The following ZNF121 variants were observed in gnomAD, a reference collection of about 807,000 sequenced individuals.
ZNF121 encodes the protein zinc finger protein 121, also known as zinc finger protein 121 (clone ZHC32).
Under a neutral mutation model 2.4 loss-of-function variants are expected in ZNF121, and 1 was observed. The observed-to-expected ratio is 0.41, with a 90% CI of 0.15 to 1.94. The LOEUF (loss-of-function observed/expected upper bound fraction) is 1.94, where lower values mean the gene tolerates loss of function less well. Among genes scored for constraint, ZNF121 ranks in the 30% most tolerant of loss-of-function variants. The pLI, the probability that ZNF121 is intolerant of heterozygous loss-of-function variation, is 0.30. For missense variants in ZNF121, 369 were observed against 466.3 expected (o/e 0.79, Z 1.92); for synonymous variants, 173 against 158.6 (o/e 1.09, Z -0.68).
At chr19:9,579,845 G>A (rs766801969) in intron 1 of ZNF121, among the ~76,000 whole-genome samples, 2 of 152,188 alleles carry the variant, frequency 1.3e-5, no homozygotes, top group Non-Finnish European at 2.9e-5. Context: ...TAAGGTGACA[G>A]ATATTCTACT....
Position 9,567,082 on chromosome 19 carries a change from A to G in ZNF121, c.31T>C (p.Cys11Arg). The change falls in exon 4 of 4, where the codon TGT becomes CGT. Residue 11 changes from cysteine to arginine, a missense_variant. Around this residue, in one of 4 missense-constraint regions of ZNF121, gnomAD observed 168 missense variants for 162.3 expected, o/e 1.03. Transcript: ENST00000320451. ...ATTTCTCCATTTTCCATAAAGTCAC[A>G]GAGTTCCCCTCCATTGTGGATTTCT... MAEIHNGGEL[C>R]DFMENGEIFS... 1 of 1,613,252 alleles carries G rather than the reference A, an allele frequency of 6.2e-7. No individual in the cohort carries two copies. The highest frequency in any genetic ancestry group is 1.3e-5 in the African/African-American group (1 of 75,050).
At chr19:9,573,221 CCTAAG>C (rs1273329553) in intron 1 of ZNF121, among the ~76,000 whole-genome samples, 2 of 151,990 alleles carry the variant, frequency 1.3e-5, no homozygotes, top group Non-Finnish European at 1.5e-5. Flanking sequence ...ATGTGAGCTC[CCTAAG>C]AATTCAAAAT....
Position 9,579,660 on chromosome 19 carries a change from C to T in ZNF121, c.-160+4801G>A, listed in dbSNP as rs571875127. Among the ~76,000 whole-genome samples the T allele has an allele frequency of 3.3e-5, 5 of 151,920 alleles. No individual in the cohort carries two copies. The South Asian group carries it at 8.3e-4, about 25-fold the overall frequency. The stretch of plus-strand genomic sequence containing the variant: ...TCCAGCCTGGGCAACAGTGAGACTC[C>T]GTCTCTAGAAAAAAAAGAGAGGTTG... On this transcript the variant is annotated intron_variant, in intron 1 of 3. Transcript: ENST00000320451.
At chr19:9,575,008 G>A (rs951194481) in intron 1 of ZNF121, among the ~76,000 whole-genome samples, 1 of 152,160 alleles carries the variant, frequency 6.6e-6, no homozygotes, top group Non-Finnish European at 1.5e-5. Context: ...AAAGTCCTGA[G>A]CTCAAGCAAT....
rs1555686371 is a variant in ZNF121 at position 9,583,512 on chromosome 19, T to TTG, written c.-160+947_-160+948dup. 9.5e-3 allele frequency among the ~76,000 whole-genome samples: 1,046 copies of TTG among 110,378 alleles called. 29 individuals are homozygous for TTG. Among genetic ancestry groups the TTG allele is most frequent in the African/African-American group, 0.032 (541 of 16,666 alleles). 72.4% of individuals were successfully genotyped at this position (110,378 alleles called of 152,430 possible). Reference sequence around the variant, plus strand: ...GGCTTTTTTTTTTTTTTTTTTTTTTTTGTGTGTGTGAGACGGAGTCTCCCT... The same window carrying TTG: ...GGCTTTTTTTTTTTTTTTTTTTTTTTTGTGTGTGTGTGAGACGGAGTCTCCCT... On this transcript the variant is annotated intron_variant, in intron 1 of 3. Transcript: ENST00000320451.
At chr19:9,578,826 T>C (rs533209268) in intron 1 of ZNF121, among the ~76,000 whole-genome samples, 1 of 151,818 alleles carries the variant, frequency 6.6e-6, no homozygotes, top group South Asian at 2.1e-4. Flanking sequence ...GGAGCAAAAA[T>C]AAACATATGA....
In ZNF121 at chr19:9,582,761, A is replaced by C. The variant is rs541020810; in HGVS notation, c.-160+1700T>G. 2.6e-5 allele frequency among the ~76,000 whole-genome samples: 4 copies of C among 152,028 alleles called. No individual in the cohort carries two copies. In the South Asian group the frequency reaches 6.2e-4, roughly 24 times the overall value. ...GAGACTCTGTCTCAAAAAAAAAAAA[A>C]AAAAAACTACTAGACTGGGTGTGTT... is the stretch of plus-strand genomic sequence containing the variant. On this transcript the variant is annotated intron_variant, in intron 1 of 3. Transcript: ENST00000320451.
rs2074122667 is a variant in ZNF121 at position 9,565,353 on chromosome 19, C to CG, written c.*586_*587insC. 3.4e-5 allele frequency: 1 copy of CG among 29,816 alleles called. No homozygotes were observed. Among genetic ancestry groups the CG allele is most frequent in the East Asian group, 1.4e-3 (1 of 702 alleles). The allele number at this position is 29,816 out of a possible 1,614,324, so 1.8% of individuals were successfully genotyped here. ...AAGAATGTGTATTAACAACGACTTA[C>CG]AAAAAAAAAAAAAAAAAAAAAAAAA... is the stretch of plus-strand genomic sequence containing the variant. On this transcript the variant is annotated 3_prime_UTR_variant, in exon 4 of 4. Coordinates refer to ENST00000320451, the MANE Select transcript of ZNF121 (RefSeq NM_001008727.5).
chr19:9,568,185 A>G lies in ZNF121; in HGVS notation c.-78-10T>C, dbSNP rs890173896. 1.4e-6 allele frequency: 2 copies of G among 1,390,628 alleles called. No individual in the cohort carries two copies. Among genetic ancestry groups the G allele is most frequent in the African/African-American group, 2.9e-5 (2 of 69,056 alleles). 86.1% of individuals were successfully genotyped at this position (1,390,628 alleles called of 1,614,324 possible). A position where few individuals can be genotyped will look rare whatever the true frequency, so the allele number is the denominator to read the frequency against. On this transcript the variant is annotated splice_polypyrimidine_tract_variant and intron_variant, in intron 2 of 3. Transcript: ENST00000320451. ...GTTTTAACTTGCCATTCTGAAGTAA[A>G]ACAGAAAAAAAGAAAAAAAAATAGG... is the stretch of plus-strand genomic sequence containing the variant.
intron 2 of ZNF121, 108 bp from the exon 3 acceptor site, chr19:9,568,283 C>T: frequency 2.0e-6 from 1 of 498,714 alleles, no homozygotes; most frequent in South Asian, 4.4e-5. Flanking sequence ...ATTCAGCACA[C>T]TCAAAAAAAT....
chr19:9,563,785 C>G lies in ZNF121; in HGVS notation c.*2155G>C, dbSNP rs1397416206. On this transcript the variant is annotated 3_prime_UTR_variant, in exon 4 of 4. Coordinates refer to ENST00000320451, the MANE Select transcript of ZNF121 (RefSeq NM_001008727.5). Reference sequence around the variant, plus strand: ...GTGACTTTAAATGAATGCTAATATTCAATTACCATTCCAAAAATCCAAGAG... The same window carrying G: ...GTGACTTTAAATGAATGCTAATATTGAATTACCATTCCAAAAATCCAAGAG... The G allele has an allele frequency of 6.6e-6, 1 of 152,194 alleles. No homozygotes were observed. Among genetic ancestry groups the G allele is most frequent in the Admixed American group, 6.5e-5 (1 of 15,276 alleles). 9.4% of individuals were successfully genotyped at this position (152,194 alleles called of 1,614,324 possible).
At chr19:9,577,532 T>C (rs1470402813) in intron 1 of ZNF121, among the ~76,000 whole-genome samples, 1 of 150,806 alleles carries the variant, frequency 6.6e-6, no homozygotes, top group Non-Finnish European at 1.5e-5. Context: ...AAAACACTGA[T>C]GAAACAAACT....
chr19:9,567,957 TG>T, intron 3 of ZNF121, 137 bp downstream of exon 3: 1 of 938,636 alleles, frequency 1.1e-6, no homozygotes, highest in Non-Finnish European at 1.5e-6. Flanking sequence ...ACAGTACCAG[TG>T]GGGACCCTTG....
At chr19:9,567,754 C>CA (rs1335865300) in intron 3 of ZNF121, 1 of 261,964 alleles carries the variant, frequency 3.8e-6, no homozygotes, top group African/African-American at 2.2e-5. Context: ...AAGGAGCACA[C>CA]AATCTAGAAC....
rs942367228 is a variant in ZNF121 at position 9,563,023 on chromosome 19, C to T, written c.*2917G>A. ...CAATGGGCTATAACTGTACTACACT[C>T]CAGCCTGGGCAAAAGGGAGACCATG... On this transcript the variant is annotated 3_prime_UTR_variant, in exon 4 of 4. Coordinates refer to ENST00000320451, the MANE Select transcript of ZNF121 (RefSeq NM_001008727.5). The T allele has an allele frequency of 2.0e-5, 3 of 148,066 alleles. No homozygotes were observed. The highest frequency in any genetic ancestry group is 7.6e-5 in the African/African-American group (3 of 39,664). 9.2% of individuals were successfully genotyped at this position (148,066 alleles called of 1,614,324 possible).
At chr19:9,571,191 T>C (rs1240540351) in intron 1 of ZNF121, among the ~76,000 whole-genome samples, 5 of 152,122 alleles carry the variant, frequency 3.3e-5, no homozygotes, top group Non-Finnish European at 2.9e-5. Context: ...GAAAATACCA[T>C]AGAAAATGTA....
intron 1 of ZNF121, among the ~76,000 whole-genome samples, chr19:9,580,343 TAAAGACATTCCCTACAA>T (rs746132822): frequency 6.6e-6 from 1 of 151,418 alleles, no homozygotes; most frequent in South Asian, 2.1e-4. Flanking sequence ...CTGGATCATG[TAAAGACATTCCCTACAA>T]AAAGACATTC....
intron 3 of ZNF121, chr19:9,567,710 G>A (rs1022211922): frequency 5.1e-5 from 15 of 294,236 alleles, no homozygotes; most frequent in Non-Finnish European, 7.0e-6. Context: ...TCCCATCTAG[G>A]TGATGGGAGA....
chr19:9,571,160 C>T (rs67031827), intron 1 of ZNF121, among the ~76,000 whole-genome samples: 26,210 of 152,160 alleles, frequency 0.17, 3,591 homozygotes, highest in African/African-American at 0.38. Context: ...TGCAGCTACT[C>T]AACTCTGCTG....
Sources: gnomAD v4.1 joint callset for allele counts (sites outside exome capture counted in the v4.1 genomes callset) on GRCh38, gnomAD v4.1.1 for gene constraint, gnomAD v4.1.1 regional missense constraint, MANE v1.5 for transcripts, NCBI Gene and HGNC (gene_info 2026-07-23, HGNC 2026-07-21) for gene names.